NAV3: variants seen among roughly 807,000 people sequenced by gnomAD.
The protein encoded by NAV3 is neuron navigator 3, also known as pore membrane and/or filament interacting like protein 1.
A neutral mutation model predicts 244.7 loss-of-function variants in NAV3; 87 were observed. The ratio of observed to expected loss-of-function variants is 0.36; its 90% CI spans 0.30 to 0.42. The LOEUF (loss-of-function observed/expected upper bound fraction) is 0.42, where lower values mean the gene tolerates loss of function less well. Ranked by LOEUF, NAV3 falls within the 20% of genes least tolerant of loss-of-function variation. The pLI, the probability that NAV3 is intolerant of heterozygous loss-of-function variation, is 1.00. For synonymous variants in NAV3, 1,126 were observed against 1,042.2 expected (o/e 1.08, Z -1.55); for missense variants, 2,663 against 2,893.3 (o/e 0.92, Z 1.83).
intron 2 of NAV3, among the ~76,000 whole-genome samples, chr12:77,718,019 C>T (rs1876438773): frequency 6.6e-6 from 1 of 152,122 alleles, no homozygotes; most frequent in Non-Finnish European, 1.5e-5. Flanking sequence ...CCTCCCATTC[C>T]ACAGTTTGCC....
chr12:77,707,455 T>C (rs1398930475), intron 2 of NAV3, among the ~76,000 whole-genome samples: 1 of 152,176 alleles, frequency 6.6e-6, no homozygotes, highest in Non-Finnish European at 1.5e-5. Flanking sequence ...CTTAATCCAG[T>C]CTATGATTGA....
intron 2 of NAV3, among the ~76,000 whole-genome samples, chr12:77,627,958 T>G (rs1871711492): frequency 6.6e-6 from 1 of 152,020 alleles, no homozygotes; most frequent in Non-Finnish European, 1.5e-5. Flanking sequence ...TGAAGGAGCT[T>G]AGAAAGTTGA....
intron 1 of NAV3, among the ~76,000 whole-genome samples, chr12:77,857,883 G>A (rs1441196265): frequency 6.6e-6 from 1 of 151,896 alleles, no homozygotes; most frequent in Non-Finnish European, 1.5e-5. Flanking sequence ...ATGACACAGA[G>A]TTGATGAGTT....
At chr12:77,720,801 T>C (rs1876587383) in intron 2 of NAV3, among the ~76,000 whole-genome samples, 1 of 152,170 alleles carries the variant, frequency 6.6e-6, no homozygotes, top group Admixed American at 6.6e-5. Context: ...AACTGGTTTC[T>C]GGATTTCTCA....
At chr12:77,909,422 C>A (rs929703982) in intron 1 of NAV3, among the ~76,000 whole-genome samples, 2 of 150,926 alleles carry the variant, frequency 1.3e-5, no homozygotes. Context: ...GAAATACCAA[C>A]TTAAAATCTT....
At chr12:78,182,014 T>G (rs960924701) in intron 30 of NAV3, among the ~76,000 whole-genome samples, 15 of 152,020 alleles carry the variant, frequency 9.9e-5, no homozygotes, top group African/African-American at 3.6e-4. Context: ...AAGTGGGCAC[T>G]CCCTGTAATT....
chr12:78,004,327 G>A (rs10859797), intron 7 of NAV3, among the ~76,000 whole-genome samples: 125,439 of 152,122 alleles, frequency 0.82, 51,873 homozygotes, highest in Admixed American at 0.87. Flanking sequence ...GCAATGGTGA[G>A]TGTAGGTGAG....
chr12:77,915,348 C>A (rs1425713326), intron 1 of NAV3, among the ~76,000 whole-genome samples: 1 of 151,950 alleles, frequency 6.6e-6, no homozygotes, highest in Admixed American at 6.6e-5. Flanking sequence ...GGTAAAAATT[C>A]TTCCTGGCAT....
intron 2 of NAV3, among the ~76,000 whole-genome samples, chr12:77,724,947 A>G (rs1409700417): frequency 6.6e-6 from 1 of 152,022 alleles, no homozygotes; most frequent in Non-Finnish European, 1.5e-5. Context: ...TGAGAATGCT[A>G]TTGTGGAATG....
At chr12:77,973,048 G>A (rs1001841965) in intron 5 of NAV3, among the ~76,000 whole-genome samples, 1 of 152,010 alleles carries the variant, frequency 6.6e-6, no homozygotes, top group African/African-American at 2.4e-5. Flanking sequence ...TATATACAAG[G>A]TGTTAGGATG....
At chr12:77,741,135 G>GAAAAAAAAAAAAAAA (rs71088333) in intron 2 of NAV3, among the ~76,000 whole-genome samples, 1 of 60,746 alleles carries the variant, frequency 1.6e-5, no homozygotes, top group Non-Finnish European at 2.8e-5. Flanking sequence ...AATAGTCAAA[G>GAAAAAAAAAAAAAAA]AAAAAAAAAA....
At position 78,212,358 on chromosome 12, in the gene NAV3, C is replaced by G. The variant is rs1272599493; in HGVS notation, c.*1841C>G. 2 of 152,618 alleles carry G rather than the reference C, an allele frequency of 1.3e-5. No homozygotes were observed. Among genetic ancestry groups the G allele is most frequent in the African/African-American group, 4.8e-5 (2 of 41,450 alleles). The allele number at this position is 152,618 out of a possible 1,614,324, so 9.5% of individuals were successfully genotyped here. ...TTTAGGACGTGTATTTGGTGCTACT[C>G]TCTGTGACCACCAATGGGTCAGTTG... On this transcript the variant is annotated 3_prime_UTR_variant, in exon 40 of 40. Transcript: ENST00000397909.
intron 2 of NAV3, among the ~76,000 whole-genome samples, chr12:77,587,607 A>G (rs1042582628): frequency 1.2e-4 from 18 of 152,346 alleles, no homozygotes; most frequent in African/African-American, 4.3e-4. Context: ...ATATTATAGA[A>G]GTTCATTTTC....
At chr12:77,896,920 G>A (rs1786633094) in intron 1 of NAV3, among the ~76,000 whole-genome samples, 1 of 152,156 alleles carries the variant, frequency 6.6e-6, no homozygotes, top group South Asian at 2.1e-4. Flanking sequence ...TAGATGAACA[G>A]CCACAAAAGA....
chr12:78,160,410 T>TGTGTGTGTGCGTGC (rs1957491105), intron 23 of NAV3, among the ~76,000 whole-genome samples: 2 of 127,842 alleles, frequency 1.6e-5, no homozygotes, highest in South Asian at 2.8e-4. Context: ...CGTGCGTGTG[T>TGTGTGTGTGCGTGC]GTGTGTGTGT....
chr12:77,757,113 C>T (rs1012617584), intron 2 of NAV3, among the ~76,000 whole-genome samples: 3 of 152,118 alleles, frequency 2.0e-5, no homozygotes, highest in Non-Finnish European at 4.4e-5. Context: ...TCTTTTTCAT[C>T]CTGAGACTCA....
At chr12:77,648,043 A>G (rs1242025467) in intron 2 of NAV3, among the ~76,000 whole-genome samples, 1 of 152,070 alleles carries the variant, frequency 6.6e-6, no homozygotes, top group Non-Finnish European at 1.5e-5. Flanking sequence ...TACTTCCCTG[A>G]TGTTGGACTC....
intron 2 of NAV3, among the ~76,000 whole-genome samples, chr12:77,650,340 G>A (rs1565753271): frequency 6.6e-6 from 1 of 152,150 alleles, no homozygotes; most frequent in Non-Finnish European, 1.5e-5. Context: ...AATCAAGAAA[G>A]TCTTCCCTAA....
chr12:78,145,415 T>G (rs1956825923), intron 20 of NAV3, among the ~76,000 whole-genome samples: 2 of 152,310 alleles, frequency 1.3e-5, no homozygotes, highest in East Asian at 3.9e-4. Context: ...TTCAGGTAGT[T>G]TTGTGTCAAT....
Sources: gnomAD v4.1 joint callset for allele counts (sites outside exome capture counted in the v4.1 genomes callset) on GRCh38, gnomAD v4.1.1 for gene constraint, MANE v1.5 for transcripts, NCBI Gene and HGNC (gene_info 2026-07-23, HGNC 2026-07-21) for gene names.